ERVMER34-1: variants seen among roughly 807,000 people sequenced by gnomAD.
The protein encoded by ERVMER34-1 is endogenous retroviral envelope protein HEMO.
For missense variants in ERVMER34-1, 471 were observed against 295.1 expected (o/e 1.60, Z -4.37); for synonymous variants, 199 against 111.7 (o/e 1.78, Z -4.93).
In ERVMER34-1 at chr4:52,744,098, C is replaced by A; in HGVS notation, c.1423G>T (p.Asp475Tyr). The A allele has an allele frequency of 1.4e-6, 1 of 704,146 alleles. No homozygotes were observed. The highest frequency in any genetic ancestry group is 1.5e-5 in the South Asian group (1 of 67,584). 43.6% of individuals were successfully genotyped at this position (704,146 alleles called of 1,614,324 possible). Residue 475 changes from aspartate (D) to tyrosine (Y), a missense_variant, in exon 3 of 3, where the codon GAT becomes TAT. By Grantham distance (160) the Asp-to-Tyr change is radical. Transcript: ENST00000443173. ...ACTTTTGCAAATATGCCTTGCCAAT[C>A]AAGTAACGGTACATTCTTCAGGTTC... ...SENLKNVPLL[D>Y]WQGIFAKVGD...
Position 52,744,781 on chromosome 4 carries a change from AG to A in ERVMER34-1, c.739del (p.Leu247TyrfsTer7), listed in dbSNP as rs1716106652. On this transcript the variant is annotated frameshift_variant, in exon 3 of 3. Transcript: ENST00000443173. LOFTEE classifies it low-confidence loss of function (END_TRUNC). ...KGLLYQLFRN[L>X]FCSYGLTEAH... ...CTCTGTCAGGCCATAAGAGCAAAATAGGTTGCGAAATAGCTGGTACAGAAGG... is the reference window on the plus strand; with the variant it reads ...CTCTGTCAGGCCATAAGAGCAAAATAGTTGCGAAATAGCTGGTACAGAAGG... 2.8e-6 allele frequency: 2 copies of A among 704,014 alleles called. No homozygotes were observed. The highest frequency in any genetic ancestry group is 2.6e-6 in the Non-Finnish European group (1 of 385,004). 43.6% of individuals were successfully genotyped at this position (704,014 alleles called of 1,614,324 possible). A position where few individuals can be genotyped will look rare whatever the true frequency, so the allele number is the denominator to read the frequency against.
At chr4:52,750,660 A>G (rs2109417821) in intron 2 of ERVMER34-1, 1 of 152,442 alleles carries the variant, frequency 6.6e-6, no homozygotes, top group Non-Finnish European at 1.5e-5. Flanking sequence ...CTGTGCTCAC[A>G]AAGGGGAGAC....
rs1716127856 is a variant in ERVMER34-1 at position 52,745,418 on chromosome 4, G to A, written c.103C>T (p.Leu35=). Residue 35 remains leucine, a synonymous_variant, in exon 3 of 3, where the codon CTA becomes TTA. Transcript: ENST00000443173. The part of the protein sequence containing the change: ...QHLLAPVFRT[L]SILTNQSNCW... ...TTAGACTGATTAGTCAAGATAGATA[G>A]TGTCCGGAAAACTGGAGCAAGCAGG... 1 of 704,006 alleles carries A rather than the reference G, an allele frequency of 1.4e-6. No individual in the cohort carries two copies. Among genetic ancestry groups the A allele is most frequent in the Non-Finnish European group, 2.6e-6 (1 of 385,018 alleles). The allele number at this position is 704,006 out of a possible 1,614,324, so 43.6% of individuals were successfully genotyped here. A position where few individuals can be genotyped will look rare whatever the true frequency, so the allele number is the denominator to read the frequency against.
rs1716068812 is a variant in ERVMER34-1 at position 52,743,688 on chromosome 4, G to T, written c.*141C>A. On this transcript the variant is annotated 3_prime_UTR_variant, in exon 3 of 3. Transcript: ENST00000443173. ...TGATAAGGCTTATTTACAATACCTT[G>T]GGAGGTCCTAGTGCTAAGTGCCCTT... The T allele has an allele frequency of 1.3e-5, 9 of 672,136 alleles. No individual in the cohort carries two copies. The highest frequency in any genetic ancestry group is 2.2e-5 in the Non-Finnish European group (9 of 411,190). The allele number at this position is 672,136 out of a possible 1,614,324, so 41.6% of individuals were successfully genotyped here. A position where few individuals can be genotyped will look rare whatever the true frequency, so the allele number is the denominator to read the frequency against.
At chr4:52,749,785 A>G (rs1158532804) in intron 2 of ERVMER34-1, among the ~76,000 whole-genome samples, 2 of 152,142 alleles carry the variant, frequency 1.3e-5, no homozygotes, top group Non-Finnish European at 2.9e-5. Flanking sequence ...TAAACAAACA[A>G]ACAAAAACAG....
In ERVMER34-1 at chr4:52,744,242, C is replaced by T. The variant is rs1208399422; in HGVS notation, c.1279G>A (p.Asp427Asn). 2 of 704,136 alleles carry T rather than the reference C, an allele frequency of 2.8e-6. No homozygotes were observed. The highest frequency in any genetic ancestry group is 3.0e-5 in the South Asian group (2 of 67,594). 43.6% of individuals were successfully genotyped at this position (704,136 alleles called of 1,614,324 possible). ...ASASRKDHVL[D>N]IPTTQRQTAC... ...GTTTGTCGTTGGGTGGTCGGTATAT[C>T]CAAGACATGATCCTTTCGGGATGCA... The change falls in exon 3 of 3, where the codon GAT (aspartate) becomes AAT (asparagine). Residue 427 changes from aspartate to asparagine, a missense_variant. Transcript: ENST00000443173.
chr4:52,751,074 G>A lies in ERVMER34-1; in HGVS notation c.-563-5C>T, dbSNP rs76091887. 4.6e-5 allele frequency: 7 copies of A among 152,318 alleles called. No homozygotes were observed. In the East Asian group the frequency reaches 9.7e-4, roughly 21 times the overall value. The allele number at this position is 152,318 out of a possible 1,614,324, so 9.4% of individuals were successfully genotyped here. A position where few individuals can be genotyped will look rare whatever the true frequency, so the allele number is the denominator to read the frequency against. ...CAAAGTAGCGGCGTGTCTGCCCTAG[G>A]GAGGCAAAGCGCAAACTTGTTACCG... On this transcript the variant is annotated splice_region_variant and splice_polypyrimidine_tract_variant and intron_variant, in intron 1 of 2. Transcript: ENST00000443173.
intron 2 of ERVMER34-1, among the ~76,000 whole-genome samples, chr4:52,749,029 TA>T (rs1032105665): frequency 1.3e-5 from 2 of 151,816 alleles, no homozygotes; most frequent in African/African-American, 2.4e-5. Flanking sequence ...CTTCCTTTTT[TA>T]AAAAAAATTA....
In ERVMER34-1 at chr4:52,742,759, A is replaced by C. The variant is rs987137846; in HGVS notation, c.*1070T>G. The C allele has an allele frequency of 6.6e-6, 1 of 152,114 alleles. No individual in the cohort carries two copies. Among genetic ancestry groups the C allele is most frequent in the Non-Finnish European group, 1.5e-5 (1 of 68,148 alleles). 9.4% of individuals were successfully genotyped at this position (152,114 alleles called of 1,614,324 possible). On this transcript the variant is annotated 3_prime_UTR_variant, in exon 3 of 3. Coordinates refer to ENST00000443173, the MANE Select transcript of ERVMER34-1 (RefSeq NM_001242690.2). ...CGGTGAAACCCCGTCTCTACTAAAA[A>C]CACAAAAAATTAGTCAGGCGTGGTG... is the stretch of plus-strand genomic sequence containing the variant.
rs1324868339 is a variant in ERVMER34-1, at chr4:52,744,812, T to C, written c.709A>G (p.Lys237Glu). Reference sequence around the variant, plus strand: ...CGAAATAGCTGGTACAGAAGGCCTTTGGTTTGGTTTTGGCAGCTATAGAGA... The same window carrying C: ...CGAAATAGCTGGTACAGAAGGCCTTCGGTTTGGTTTTGGCAGCTATAGAGA... The part of the protein sequence containing the change: ...TCLYSCQNQT[K>E]GLLYQLFRNL... Residue 237 changes from lysine (K) to glutamate (E), a missense_variant, in exon 3 of 3, where the codon AAA becomes GAA. Lys to Glu is a moderately conservative substitution (Grantham distance 56, BLOSUM62 1). Transcript: ENST00000443173. 8 of 704,018 alleles carry C rather than the reference T, an allele frequency of 1.1e-5. No individual in the cohort carries two copies. The highest frequency in any genetic ancestry group is 1.8e-5 in the Non-Finnish European group (7 of 385,010). The allele number at this position is 704,018 out of a possible 1,614,324, so 43.6% of individuals were successfully genotyped here.
chr4:52,749,013 AC>A (rs1359873782), intron 2 of ERVMER34-1, among the ~76,000 whole-genome samples: 1 of 152,004 alleles, frequency 6.6e-6, no homozygotes, highest in Admixed American at 6.5e-5. Context: ...GCACCACCAT[AC>A]CTGGCTTCCT....
At chr4:52,748,866 T>C (rs1716214240) in intron 2 of ERVMER34-1, among the ~76,000 whole-genome samples, 1 of 152,084 alleles carries the variant, frequency 6.6e-6, no homozygotes, top group Non-Finnish European at 1.5e-5. Context: ...TTTTCTTTTT[T>C]TTCCTTAGAA....
chr4:52,744,447 G>T lies in ERVMER34-1; in HGVS notation c.1074C>A (p.Asp358Glu), dbSNP rs1419785903. ...TGGGGTTGCAATACAGAGGTGGATTGTCTGTGTCTCCTTGGGTGCATCTAT... is the reference window on the plus strand; with the variant it reads ...TGGGGTTGCAATACAGAGGTGGATTTTCTGTGTCTCCTTGGGTGCATCTAT... ...TPHRCTQGDT[D>E]NPPLYCNPKD... The change falls in exon 3 of 3, where the codon GAC becomes GAA. Residue 358 changes from aspartate (D) to glutamate (E), a missense_variant. Transcript: ENST00000443173. 1 of 704,008 alleles carries T rather than the reference G, an allele frequency of 1.4e-6. No homozygotes were observed. The highest frequency in any genetic ancestry group is 2.6e-6 in the Non-Finnish European group (1 of 385,026). 43.6% of individuals were successfully genotyped at this position (704,008 alleles called of 1,614,324 possible).
intron 2 of ERVMER34-1, among the ~76,000 whole-genome samples, chr4:52,750,455 G>A (rs1302825328): frequency 6.6e-6 from 1 of 152,166 alleles, no homozygotes; most frequent in Non-Finnish European, 1.5e-5. Flanking sequence ...TTGTAGGGCT[G>A]AGAAAGCTGC....
chr4:52,749,037 A>T (rs1017679385), intron 2 of ERVMER34-1, among the ~76,000 whole-genome samples: 2 of 151,970 alleles, frequency 1.3e-5, no homozygotes, highest in East Asian at 3.9e-4. Context: ...TTTAAAAAAA[A>T]TTATTTTTAA....
In ERVMER34-1 at chr4:52,745,126, C is replaced by T. The variant is rs1484412527; in HGVS notation, c.395G>A (p.Gly132Asp). Residue 132 changes from glycine to aspartate, a missense_variant, in exon 3 of 3, where the codon GGC becomes GAC. Transcript: ENST00000443173. ...TATATTACCTAGGAAGGGTCCACTG[C>T]CATTTTTATTTTCTACGCAAAGAGA... is the stretch of plus-strand genomic sequence containing the variant. ...NFSLCVENKN[G>D]SGPFLGNIPK... 3 of 704,018 alleles carry T rather than the reference C, an allele frequency of 4.3e-6. No individual in the cohort carries two copies. Among genetic ancestry groups the T allele is most frequent in the Non-Finnish European group, 7.8e-6 (3 of 385,016 alleles). 43.6% of individuals were successfully genotyped at this position (704,018 alleles called of 1,614,324 possible).
At chr4:52,747,168 C>T (rs1471042097) in intron 2 of ERVMER34-1, among the ~76,000 whole-genome samples, 1 of 151,828 alleles carries the variant, frequency 6.6e-6, no homozygotes, top group Non-Finnish European at 1.5e-5. Context: ...GGTGGAGATT[C>T]CAGTGACCCA....
intron 2 of ERVMER34-1, among the ~76,000 whole-genome samples, chr4:52,749,334 G>T (rs571716666): frequency 9.0e-4 from 137 of 152,230 alleles, no homozygotes; most frequent in African/African-American, 3.1e-3. Context: ...TTCCATAAAA[G>T]AGTGCCTTTC....
rs1439788205 is a variant in ERVMER34-1, at chr4:52,751,044, C to G, written c.-538G>C. ...CCGCACGCGTGGCCCGCCCGAAACC[C>G]GCTACAAAGTAGCGGCGTGTCTGCC... On this transcript the variant is annotated 5_prime_UTR_variant, in exon 2 of 3. Coordinates refer to ENST00000443173, the MANE Select transcript of ERVMER34-1 (RefSeq NM_001242690.2). 1 of 152,388 alleles carries G rather than the reference C, an allele frequency of 6.6e-6. No homozygotes were observed. The highest frequency in any genetic ancestry group is 2.4e-5 in the African/African-American group (1 of 41,466). 9.4% of individuals were successfully genotyped at this position (152,388 alleles called of 1,614,324 possible).
Sources: gnomAD v4.1 joint callset for allele counts (sites outside exome capture counted in the v4.1 genomes callset) on GRCh38, gnomAD v4.1.1 for gene constraint, MANE v1.5 for transcripts, NCBI Gene and HGNC (gene_info 2026-07-23, HGNC 2026-07-21) for gene names.